GALNT5: variants seen among roughly 807,000 people sequenced by gnomAD.
GALNT5 encodes UDP-GalNAc:polypeptide N-acetylgalactosaminyltransferase 5.
GALNT5 carries 72 observed loss-of-function variants against 85.4 expected under a neutral mutation model. The ratio of observed to expected loss-of-function variants is 0.84; its 90% CI spans 0.70 to 1.03. The LOEUF (loss-of-function observed/expected upper bound fraction) is 1.03, where lower values mean the gene tolerates loss of function less well. GALNT5 is among the 50% of genes least tolerant of loss of function. The pLI is 0.00. For synonymous variants in GALNT5, 404 were observed against 397.0 expected, an observed-to-expected ratio of 1.02 and a Z score of -0.21; for missense variants, 1,137 against 1,135.5, an observed-to-expected ratio of 1.00 and a Z score of -0.02.
rs1355153942 is a variant in GALNT5, at chr2:157,258,033, C to A, written c.-50C>A. 1.3e-6 allele frequency: 2 copies of A among 1,599,144 alleles called. No homozygotes were observed. The highest frequency in any genetic ancestry group is 1.7e-6 in the Non-Finnish European group (2 of 1,176,208). On this transcript the variant is annotated 5_prime_UTR_variant, in exon 1 of 10. Transcript: ENST00000259056. Reference sequence around the variant, plus strand: ...CTGCTACTTCAGCTTCCTCTCCACTCAAGGTAAGCAGGCTAAGGGAGGGCA... The same window carrying A: ...CTGCTACTTCAGCTTCCTCTCCACTAAAGGTAAGCAGGCTAAGGGAGGGCA...
chr2:157,292,712 A>T lies in GALNT5; in HGVS notation c.1742-2951A>T, dbSNP rs899024936. On this transcript the variant is annotated intron_variant, in intron 3 of 9. Coordinates refer to ENST00000259056, the MANE Select transcript of GALNT5 (RefSeq NM_014568.3). ...GACCACAAGTAGAAATCGTATTATT[A>T]TTTTTTTTTTTTGAGACACAGTCTT... Among the ~76,000 whole-genome samples the T allele has an allele frequency of 1.1e-3, 155 of 147,222 alleles. 1 individual carries two copies. The Middle Eastern group carries it at 0.011, about 10-fold the overall frequency.
chr2:157,268,768 A>C (rs1682514182), intron 1 of GALNT5, among the ~76,000 whole-genome samples: 1 of 149,626 alleles, frequency 6.7e-6, no homozygotes, highest in Non-Finnish European at 1.5e-5. Context: ...GATTGGCTGC[A>C]GTAATCTAAG....
chr2:157,267,607 C>G (rs1291946842), intron 1 of GALNT5, among the ~76,000 whole-genome samples: 1 of 152,200 alleles, frequency 6.6e-6, no homozygotes, highest in African/African-American at 2.4e-5. Context: ...CATCACACCA[C>G]CTCCTCCTCT....
In GALNT5 at chr2:157,316,710, T is replaced by G. The variant is rs1324237118; in HGVS notation, c.*5362T>G. Among the ~76,000 whole-genome samples, 1 of 152,168 alleles carries G rather than the reference T, an allele frequency of 6.6e-6. No individual in the cohort carries two copies. The highest frequency in any genetic ancestry group is 1.5e-5 in the Non-Finnish European group (1 of 68,028). On this transcript the variant is annotated 3_prime_UTR_variant, in exon 10 of 10. Transcript: ENST00000259056. ...AAGTATTATATATCCCTAATGAAGC[T>G]TAATGGATAGTATTCCAGGTGTTGG...
chr2:157,267,490 A>C (rs369500577), intron 1 of GALNT5, among the ~76,000 whole-genome samples: 79 of 152,338 alleles, frequency 5.2e-4, no homozygotes, highest in African/African-American at 1.9e-3. Flanking sequence ...AAAGTTTTCT[A>C]ATCTAGTCCT....
In GALNT5 at chr2:157,303,794, C is replaced by A. The variant is rs368233294; in HGVS notation, c.2440-1955C>A. Reference sequence around the variant, plus strand: ...AAAAGTTTTATCTTTCCTTCCAATGCTTTTCGGTTCTTGGAAGGATTATAC... The same window carrying A: ...AAAAGTTTTATCTTTCCTTCCAATGATTTTCGGTTCTTGGAAGGATTATAC... On this transcript the variant is annotated intron_variant, in intron 7 of 9. Coordinates refer to ENST00000259056, the MANE Select transcript of GALNT5 (RefSeq NM_014568.3). 5.1e-4 allele frequency among the ~76,000 whole-genome samples: 78 copies of A among 152,274 alleles called. 1 individual carries two copies. In the South Asian group the frequency reaches 0.015, roughly 29 times the overall value.
rs142456614 is a variant in GALNT5, at chr2:157,311,834, C to T, written c.*486C>T. 154 of 152,808 alleles carry T rather than the reference C, an allele frequency of 1.0e-3. No individual in the cohort carries two copies. The highest frequency in any genetic ancestry group is 5.0e-3 in the Admixed American group (77 of 15,308). The allele number at this position is 152,808 out of a possible 1,614,324, so 9.5% of individuals were successfully genotyped here. ...AGACCTCAGATGCCCACAGCTGTCA[C>T]GTTTGTGAAATCCCTCCAGACTACA... On this transcript the variant is annotated 3_prime_UTR_variant, in exon 10 of 10. Transcript: ENST00000259056.
chr2:157,302,357 T>C (rs568999063), intron 7 of GALNT5: 17 of 152,298 alleles, frequency 1.1e-4, no homozygotes, highest in African/African-American at 3.8e-4. Context: ...GGTTCTGTTT[T>C]TTACAAAATT....
rs528969693 is a variant in GALNT5, at chr2:157,306,355, A to G, written c.2520+526A>G. ...TTCTTCTTTCCCCTCATTTTCCCGC[A>G]TTTTAAGGGAGTAATGGAAATAACC... On this transcript the variant is annotated intron_variant, in intron 8 of 9. Coordinates refer to ENST00000259056, the MANE Select transcript of GALNT5 (RefSeq NM_014568.3). Among the ~76,000 whole-genome samples, 13 of 152,288 alleles carry G rather than the reference A, an allele frequency of 8.5e-5. No homozygotes were observed. The South Asian group carries it at 2.7e-3, about 32-fold the overall frequency.
chr2:157,292,579 C>CT (rs1683123037), intron 3 of GALNT5, among the ~76,000 whole-genome samples: 1 of 152,208 alleles, frequency 6.6e-6, no homozygotes, highest in African/African-American at 2.4e-5. Context: ...CCTGCTGCCA[C>CT]TGGGGACTGA....
At chr2:157,287,110 T>C (rs1682994876) in intron 3 of GALNT5, among the ~76,000 whole-genome samples, 1 of 152,200 alleles carries the variant, frequency 6.6e-6, no homozygotes, top group South Asian at 2.1e-4. Flanking sequence ...TATAACATAA[T>C]ATCACCAGTA....
intron 3 of GALNT5, among the ~76,000 whole-genome samples, chr2:157,292,885 G>T (rs1266623220): frequency 6.6e-6 from 1 of 152,090 alleles, no homozygotes; most frequent in African/African-American, 2.4e-5. Flanking sequence ...TGTATTTTTA[G>T]TAGAGATGGG....
At chr2:157,272,105 G>A (rs1483159420) in intron 1 of GALNT5, among the ~76,000 whole-genome samples, 1 of 152,162 alleles carries the variant, frequency 6.6e-6, no homozygotes. Flanking sequence ...AACTGCCATT[G>A]TAAGGTGGGT....
In GALNT5 at chr2:157,301,010, G is replaced by A. The variant is rs377621996; in HGVS notation, c.2439+11G>A. ...AGAGCTAGTGGTGTGGTAAGTTCAAGTGGCAATTTAAAATCTTACTCCATA... is the reference window on the plus strand; with the variant it reads ...AGAGCTAGTGGTGTGGTAAGTTCAAATGGCAATTTAAAATCTTACTCCATA... On this transcript the variant is annotated intron_variant, in intron 7 of 9. Transcript: ENST00000259056. 2 of 1,588,928 alleles carry A rather than the reference G, an allele frequency of 1.3e-6. No individual in the cohort carries two copies. The highest frequency in any genetic ancestry group is 1.7e-6 in the Non-Finnish European group (2 of 1,163,438).
chr2:157,296,381 T>C lies in GALNT5; in HGVS notation c.1878-13T>C, dbSNP rs905775127. The C allele has an allele frequency of 1.1e-5, 17 of 1,602,190 alleles. No homozygotes were observed. Among genetic ancestry groups the C allele is most frequent in the African/African-American group, 1.3e-5 (1 of 74,604 alleles). On this transcript the variant is annotated splice_polypyrimidine_tract_variant and intron_variant, in intron 4 of 9. Coordinates refer to ENST00000259056, the MANE Select transcript of GALNT5 (RefSeq NM_014568.3). ...ATCCCAGATAACACTTTGTTTTTCA[T>C]TTCCTGGATTAGTTACATGACAGTG...
At chr2:157,270,735 T>C (rs554002608) in intron 1 of GALNT5, among the ~76,000 whole-genome samples, 1 of 152,248 alleles carries the variant, frequency 6.6e-6, no homozygotes, top group African/African-American at 2.4e-5. Flanking sequence ...TCAGAAAATT[T>C]TGGATGCAGA....
intron 1 of GALNT5, among the ~76,000 whole-genome samples, chr2:157,269,082 T>C (rs1682524319): frequency 6.6e-6 from 1 of 152,304 alleles, no homozygotes; most frequent in South Asian, 2.1e-4. Context: ...CTAGATGACA[T>C]AGTGTCTGCC....
At chr2:157,281,969 G>A (rs554972929) in intron 1 of GALNT5, among the ~76,000 whole-genome samples, 1 of 152,304 alleles carries the variant, frequency 6.6e-6, no homozygotes, top group African/African-American at 2.4e-5. Flanking sequence ...GAACTGTTAA[G>A]CAGAATTTTC....
At position 157,309,453 on chromosome 2, in the gene GALNT5, C is replaced by T. The variant is rs574922110; in HGVS notation, c.2682+725C>T. Among the ~76,000 whole-genome samples the T allele has an allele frequency of 2.7e-4, 41 of 152,318 alleles. No individual in the cohort carries two copies. In the East Asian group the frequency reaches 5.8e-3, roughly 21 times the overall value. ...AAGTCCTCTCCATTTGTCCCAATTACATTTTAACAGAATACGGAGTCATAA... is the reference window on the plus strand; with the variant it reads ...AAGTCCTCTCCATTTGTCCCAATTATATTTTAACAGAATACGGAGTCATAA... On this transcript the variant is annotated intron_variant, in intron 9 of 9. Transcript: ENST00000259056.
Sources: gnomAD v4.1 joint callset for allele counts (sites outside exome capture counted in the v4.1 genomes callset) on GRCh38, gnomAD v4.1.1 for gene constraint, MANE v1.5 for transcripts, NCBI Gene and HGNC (gene_info 2026-07-23, HGNC 2026-07-21) for gene names.